The following NUDT22 variants were observed in gnomAD, a reference collection of about 807,000 sequenced individuals.
The protein encoded by NUDT22 is uridine diphosphate glucose pyrophosphatase NUDT22.
NUDT22 carries 23 observed loss-of-function variants against 28.8 expected under a neutral mutation model. The ratio of observed to expected loss-of-function variants is 0.80; its 90% CI spans 0.58 to 1.13. The LOEUF is 1.13. Among genes scored for constraint, NUDT22 ranks in the 50% most tolerant of loss-of-function variants. The pLI is 0.00. For synonymous variants in NUDT22, 175 were observed against 173.7 expected (o/e 1.01, Z -0.06); for missense variants, 358 against 387.3 (o/e 0.92, Z 0.64).
At chr11:64,228,124 G>C (rs1262612977) in intron 3 of NUDT22, among the ~76,000 whole-genome samples, 1 of 149,748 alleles carries the variant, frequency 6.7e-6, no homozygotes, top group Non-Finnish European at 1.5e-5. Context: ...GCCTGCCTCA[G>C]CCTCCAAAAG....
At position 64,226,328 on chromosome 11, in the gene NUDT22, G is replaced by A; in HGVS notation, c.-118G>A. ...CGCCCGCTGGAGGCTGGAGCTTCCGGGCCCTGGAAAGGGGTCCCCGCGCGC... is the reference window on the plus strand; with the variant it reads ...CGCCCGCTGGAGGCTGGAGCTTCCGAGCCCTGGAAAGGGGTCCCCGCGCGC... On this transcript the variant is annotated 5_prime_UTR_variant, in exon 1 of 6. Coordinates refer to ENST00000279206, the MANE Select transcript of NUDT22 (RefSeq NM_032344.4). 1 of 1,173,448 alleles carries A rather than the reference G, an allele frequency of 8.5e-7. No homozygotes were observed. Among genetic ancestry groups the A allele is most frequent in the East Asian group, 3.7e-5 (1 of 26,832 alleles). 72.7% of individuals were successfully genotyped at this position (1,173,448 alleles called of 1,614,324 possible). A position where few individuals can be genotyped will look rare whatever the true frequency, so the allele number is the denominator to read the frequency against.
Position 64,226,960 on chromosome 11 carries a change from G to A in NUDT22, c.308G>A (p.Arg103Gln). 6.2e-7 allele frequency: 1 copy of A among 1,602,646 alleles called. No homozygotes were observed. The highest frequency in any genetic ancestry group is 8.5e-7 in the Non-Finnish European group (1 of 1,179,930). Residue 103 changes from arginine (R) to glutamine (Q), a missense_variant, in exon 2 of 6, where the codon CGA becomes CAA. Transcript: ENST00000279206. The part of the protein sequence containing the change: ...TNWSSSAAWL[R>Q]QQGATDWGDT... ...TGGTCCAGCTCAGCTGCCTGGCTGC[G>A]ACAGCAGGGTGCCACCGACTGGGGT...
At position 64,226,698 on chromosome 11, in the gene NUDT22, C is replaced by A; in HGVS notation, c.46C>A (p.Leu16Met). The A allele has an allele frequency of 6.2e-7, 1 of 1,609,242 alleles. No homozygotes were observed. Among genetic ancestry groups the A allele is most frequent in the Non-Finnish European group, 8.5e-7 (1 of 1,178,858 alleles). Residue 16 changes from leucine to methionine, a missense_variant, in exon 2 of 6, where the codon CTG becomes ATG. Coordinates refer to ENST00000279206, the MANE Select transcript of NUDT22 (RefSeq NM_032344.4). ...GCTGCTGCAGTGCCCTGGCGGGGGC[C>A]TGCCCCAGGAGCAGATACAGGCCGA... is the stretch of plus-strand genomic sequence containing the variant. ...TLLLQCPGGG[L>M]PQEQIQAELS...
Position 64,226,437 on chromosome 11 carries a change from C to A in NUDT22, c.-19+10C>A. On this transcript the variant is annotated intron_variant, in intron 1 of 5. Transcript: ENST00000279206. The stretch of plus-strand genomic sequence containing the variant: ...CCAAGACCTCTGGATGGTAGGGATG[C>A]CCGGGCGTCCTGGATACCCTGCGGG... 1 of 1,384,498 alleles carries A rather than the reference C, an allele frequency of 7.2e-7. No individual in the cohort carries two copies. Among genetic ancestry groups the A allele is most frequent in the Non-Finnish European group, 9.3e-7 (1 of 1,076,244 alleles). The allele number at this position is 1,384,498 out of a possible 1,614,324, so 85.8% of individuals were successfully genotyped here.
In NUDT22 at chr11:64,226,968, G is replaced by A. The variant is rs775058229; in HGVS notation, c.316G>A (p.Gly106Ser). The A allele has an allele frequency of 6.2e-7, 1 of 1,602,708 alleles. No homozygotes were observed. Among genetic ancestry groups the A allele is most frequent in the Non-Finnish European group, 8.5e-7 (1 of 1,179,924 alleles). Residue 106 changes from glycine to serine, a missense_variant, in exon 2 of 6, where the codon GGT becomes AGT. Transcript: ENST00000279206. The stretch of plus-strand genomic sequence containing the variant: ...CTCAGCTGCCTGGCTGCGACAGCAG[G>A]GTGCCACCGACTGGGGTGACACGCA... ...SSSAAWLRQQ[G>S]ATDWGDTQAY...
intron 3 of NUDT22, 169 bp from the exon 4 acceptor site, chr11:64,229,078 C>T: frequency 1.7e-6 from 1 of 575,612 alleles, no homozygotes; most frequent in Non-Finnish European, 3.1e-6. Flanking sequence ...TTTGGTGTAC[C>T]TGTAAAACAA....
At chr11:64,228,216 G>A (rs1034440907) in intron 3 of NUDT22, among the ~76,000 whole-genome samples, 1 of 147,972 alleles carries the variant, frequency 6.8e-6, no homozygotes, top group Non-Finnish European at 1.5e-5. Context: ...ACAGAGTCTT[G>A]CTCTGTTGCC....
At chr11:64,228,499 C>G (rs978532166) in intron 3 of NUDT22, 3 of 151,918 alleles carry the variant, frequency 2.0e-5, no homozygotes, top group African/African-American at 7.3e-5. Context: ...CCTGACTTTA[C>G]TAAAAATACC....
chr11:64,226,701 C>T lies in NUDT22; in HGVS notation c.49C>T (p.Pro17Ser), dbSNP rs1947031719. The T allele has an allele frequency of 5.6e-6, 9 of 1,609,208 alleles. No individual in the cohort carries two copies. The highest frequency in any genetic ancestry group is 7.6e-6 in the Non-Finnish European group (9 of 1,178,910). The change falls in exon 2 of 6, where the codon CCC (proline) becomes TCC (serine). Residue 17 changes from proline (P) to serine (S), a missense_variant. Transcript: ENST00000279206. ...GCTGCAGTGCCCTGGCGGGGGCCTG[C>T]CCCAGGAGCAGATACAGGCCGAGCT... is the stretch of plus-strand genomic sequence containing the variant. ...LLLQCPGGGLPQEQIQAELSP... is the reference protein window; with the variant it reads ...LLLQCPGGGLSQEQIQAELSP...
chr11:64,229,399 T>C, intron 4 of NUDT22, 55 bp downstream of exon 4: 1 of 1,605,468 alleles, frequency 6.2e-7, no homozygotes, highest in Non-Finnish European at 8.5e-7. Context: ...TGGTGAGGAG[T>C]GGGCTGAGGC....
intron 3 of NUDT22, among the ~76,000 whole-genome samples, chr11:64,228,195 T>C (rs1947101455): frequency 6.6e-6 from 1 of 150,728 alleles, no homozygotes; most frequent in Non-Finnish European, 1.5e-5. Flanking sequence ...TTTTTTTTTT[T>C]TCTTTTTGAG....
downstream of NUDT22, chr11:64,230,072 T>C: frequency 7.6e-7 from 1 of 1,312,400 alleles, no homozygotes; most frequent in South Asian, 1.2e-5. Flanking sequence ...CCTGAGTGTG[T>C]AAGGCAGGAC....
At chr11:64,229,165 G>A in intron 3 of NUDT22, 82 bp from the exon 4 acceptor site, 1 of 888,336 alleles carries the variant, frequency 1.1e-6, no homozygotes, top group South Asian at 1.6e-5. Context: ...CAGGTAACAG[G>A]CGGTTTTTCA....
In NUDT22 at chr11:64,229,604, C is replaced by T. The variant is rs1377699048; in HGVS notation, c.771+33C>T. The T allele has an allele frequency of 7.5e-6, 12 of 1,593,526 alleles. No individual in the cohort carries two copies. In the African/African-American group the frequency reaches 1.3e-4, roughly 18 times the overall value. On this transcript the variant is annotated intron_variant, in intron 5 of 5. Coordinates refer to ENST00000279206, the MANE Select transcript of NUDT22 (RefSeq NM_032344.4). Reference sequence around the variant, plus strand: ...GTGACAAACCATCTTGCTTGGAGGCCAGGGCTGGGGCCTGCAGAGGCCTGG... The same window carrying T: ...GTGACAAACCATCTTGCTTGGAGGCTAGGGCTGGGGCCTGCAGAGGCCTGG...
In NUDT22 at chr11:64,226,377, G is replaced by C. The variant is rs1947018500; in HGVS notation, c.-69G>C. On this transcript the variant is annotated 5_prime_UTR_variant, in exon 1 of 6. Coordinates refer to ENST00000279206, the MANE Select transcript of NUDT22 (RefSeq NM_032344.4). ...GCCCCGGGTCGGAGGCAGACCCCTG[G>C]GTTTGGGGGACATGGGCATTTGGGG... 1.6e-6 allele frequency: 2 copies of C among 1,288,728 alleles called. No individual in the cohort carries two copies. Among genetic ancestry groups the C allele is most frequent in the South Asian group, 2.5e-5 (1 of 39,888 alleles). 79.8% of individuals were successfully genotyped at this position (1,288,728 alleles called of 1,614,324 possible).
At chr11:64,226,611 A>G (rs1947028206) in intron 1 of NUDT22, 24 bp from the exon 2 acceptor site, 1 of 1,526,180 alleles carries the variant, frequency 6.6e-7, no homozygotes, top group Non-Finnish European at 8.8e-7. Flanking sequence ...CCTGGATGAC[A>G]GGCCTGGCCG....
chr11:64,229,496 G>A lies in NUDT22; in HGVS notation c.696G>A (p.Glu232=). 2 of 1,614,188 alleles carry A rather than the reference G, an allele frequency of 1.2e-6. No homozygotes were observed. The highest frequency in any genetic ancestry group is 2.2e-5 in the South Asian group (2 of 91,086). ...TGTCCAGGTGCAGCCTGACTTCTGAGCAGGTGAGGAAGCACTACCTGAGTG... is the reference window on the plus strand; with the variant it reads ...TGTCCAGGTGCAGCCTGACTTCTGAACAGGTGAGGAAGCACTACCTGAGTG... The part of the protein sequence containing the change: ...EFYVQCSLTS[E]QVRKHYLSGG... The change falls in exon 5 of 6, where the codon GAG becomes GAA. Residue 232 remains glutamate (E), a synonymous_variant. Transcript: ENST00000279206.
intron 3 of NUDT22, 51 bp downstream of exon 3, chr11:64,227,717 G>T: frequency 6.8e-7 from 1 of 1,466,516 alleles, no homozygotes; most frequent in Non-Finnish European, 9.6e-7. Context: ...GAGGGGGTAG[G>T]ACTTGCCAGA....
Position 64,226,909 on chromosome 11 carries a change from C to A in NUDT22, c.257C>A (p.Ser86Tyr), listed in dbSNP as rs548018455. 1.2e-6 allele frequency: 2 copies of A among 1,602,770 alleles called. No individual in the cohort carries two copies. Among genetic ancestry groups the A allele is most frequent in the African/African-American group, 2.7e-5 (2 of 75,058 alleles). ...PQLLLRLGLT[S>Y]YRDFLGTNWS... ...CTGCTCCTGCGCCTGGGCCTTACTTCCTACCGAGACTTCCTGGGCACCAAC... is the reference window on the plus strand; with the variant it reads ...CTGCTCCTGCGCCTGGGCCTTACTTACTACCGAGACTTCCTGGGCACCAAC... Residue 86 changes from serine (S) to tyrosine (Y), a missense_variant, in exon 2 of 6, where the codon TCC becomes TAC. Physicochemically the swap from Ser to Tyr is moderately radical, Grantham distance 144. Coordinates refer to ENST00000279206, the MANE Select transcript of NUDT22 (RefSeq NM_032344.4).
Sources: allele counts gnomAD v4.1 joint callset (sites outside exome capture counted in the v4.1 genomes callset), GRCh38; gene constraint gnomAD v4.1.1; transcripts MANE v1.5; gene names NCBI Gene and HGNC (gene_info 2026-07-23, HGNC 2026-07-21).